EP400: variants seen among roughly 807,000 people sequenced by gnomAD.
The protein encoded by EP400 is E1A-binding protein p400.
In EP400, 105 loss-of-function variants were observed where a neutral mutation model predicts 354.1. The ratio of observed to expected loss-of-function variants is 0.30; its 90% CI spans 0.25 to 0.35. EP400 has a LOEUF of 0.35. Among genes scored for constraint, EP400 ranks in the 10% least tolerant of loss-of-function variants. The pLI, the probability that EP400 is intolerant of heterozygous loss-of-function variation, is 1.00. For missense variants in EP400, 3,280 were observed against 4,121.0 expected (o/e 0.80, Z 5.59); for synonymous variants, 1,646 against 1,716.9 (o/e 0.96, Z 1.02).
At position 132,018,126 on chromosome 12, in the gene EP400, G is replaced by A; in HGVS notation, c.4111-84G>A. Reference sequence around the variant, plus strand: ...GGCGCGTCTGGATGCCCACGTTAGGGCCCTGCCATAGAAATCAGTTTTGAT... The same window carrying A: ...GGCGCGTCTGGATGCCCACGTTAGGACCCTGCCATAGAAATCAGTTTTGAT... On this transcript the variant is annotated intron_variant, in intron 20 of 52. Transcript: ENST00000389561. The surrounding 1 kb of genome is among the most constrained non-coding windows in gnomAD (Gnocchi z 4.0). The A allele has an allele frequency of 6.4e-7, 1 of 1,565,104 alleles. No homozygotes were observed. Among genetic ancestry groups the A allele is most frequent in the East Asian group, 2.2e-5 (1 of 44,586 alleles).
intron 1 of EP400, among the ~76,000 whole-genome samples, chr12:131,959,000 G>C (rs1295438163): frequency 6.6e-6 from 1 of 152,170 alleles, no homozygotes; most frequent in African/African-American, 2.4e-5. Flanking sequence ...GAAGACAGGG[G>C]CACCTGGGTG....
At chr12:132,034,987 G>A (rs1263429725) in intron 30 of EP400, among the ~76,000 whole-genome samples, 2 of 152,194 alleles carry the variant, frequency 1.3e-5, no homozygotes, top group East Asian at 1.9e-4. Context: ...GCGGGTGATA[G>A]AACAGGGAGA....
In EP400 at chr12:132,063,828, A is replaced by G. The variant is rs374962843; in HGVS notation, c.8335-840A>G. Among the ~76,000 whole-genome samples the G allele has an allele frequency of 1.1e-3, 171 of 152,216 alleles. 1 individual carries two copies. Among genetic ancestry groups the G allele is most frequent in the African/African-American group, 3.9e-3 (160 of 41,546 alleles). On this transcript the variant is annotated intron_variant, in intron 47 of 52. Coordinates refer to ENST00000389561, the MANE Select transcript of EP400 (RefSeq NM_015409.5). Reference sequence around the variant, plus strand: ...TGCATGGCCATATGTGGCTGTGGCTACCACCCTGGGCAGCCCCCGCCTAGC... The same window carrying G: ...TGCATGGCCATATGTGGCTGTGGCTGCCACCCTGGGCAGCCCCCGCCTAGC...
intron 2 of EP400, among the ~76,000 whole-genome samples, chr12:131,967,478 A>T (rs190214824): frequency 6.6e-6 from 1 of 152,164 alleles, no homozygotes; most frequent in East Asian, 1.9e-4. Context: ...AGTTGAGGCC[A>T]GGAGTTCGAG....
chr12:132,047,003 T>C (rs1262504504), intron 39 of EP400, among the ~76,000 whole-genome samples: 1 of 152,258 alleles, frequency 6.6e-6, no homozygotes, highest in Non-Finnish European at 1.5e-5. Flanking sequence ...GAGGCAGGCA[T>C]CCAGTACTTT....
chr12:131,985,295 AGAAG>A (rs1393667141), intron 5 of EP400, among the ~76,000 whole-genome samples: 1 of 152,264 alleles, frequency 6.6e-6, no homozygotes, highest in Admixed American at 6.5e-5. Context: ...TTTCTGTGGC[AGAAG>A]TGAAGACACA....
chr12:132,062,359 C>G, intron 46 of EP400, 36 bp downstream of exon 46: 1 of 1,613,176 alleles, frequency 6.2e-7, no homozygotes, highest in Non-Finnish European at 8.5e-7. Context: ...TGCCACACGT[C>G]TGCTCTGGCG....
At chr12:132,046,627 AC>A (rs1895106658) in intron 39 of EP400, among the ~76,000 whole-genome samples, 1 of 151,760 alleles carries the variant, frequency 6.6e-6, no homozygotes. Context: ...TTGTAGCTTG[AC>A]CCCCGAAGAG....
chr12:132,044,378 G>T, intron 35 of EP400, 67 bp downstream of exon 35: 1 of 1,557,022 alleles, frequency 6.4e-7, no homozygotes. Context: ...AGCCATGTTT[G>T]GCTTGTTCAA....
intron 1 of EP400, among the ~76,000 whole-genome samples, chr12:131,958,447 A>C (rs1749535298): frequency 6.6e-6 from 1 of 152,184 alleles, no homozygotes; most frequent in African/African-American, 2.4e-5. Context: ...GCACTTTTTA[A>C]ATGTTTGTTA....
chr12:131,995,027 A>C, intron 12 of EP400, 71 bp downstream of exon 12: 1 of 1,417,466 alleles, frequency 7.1e-7, no homozygotes, highest in Non-Finnish European at 9.9e-7. Context: ...AGATGTGAAT[A>C]ATAATATATT....
chr12:131,967,467 C>A (rs1892140501), intron 2 of EP400, among the ~76,000 whole-genome samples: 1 of 151,808 alleles, frequency 6.6e-6, no homozygotes, highest in Non-Finnish European at 1.5e-5. Context: ...GCTGGCAGAT[C>A]AGTTGAGGCC....
intron 23 of EP400, among the ~76,000 whole-genome samples, chr12:132,022,803 C>T (rs753111575): frequency 2.6e-5 from 4 of 151,870 alleles, no homozygotes; most frequent in East Asian, 3.9e-4. Flanking sequence ...TTGTAGACAC[C>T]GTGGCTCACA....
At chr12:131,992,149 T>A in intron 10 of EP400, 24 bp from the exon 11 acceptor site, 1 of 1,602,356 alleles carries the variant, frequency 6.2e-7, no homozygotes, top group South Asian at 1.1e-5. Context: ...CTCATGCTTG[T>A]GGTTTTTCTT....
chr12:131,982,390 C>G lies in EP400; in HGVS notation c.1841C>G (p.Pro614Arg), dbSNP rs757361289. The G allele has an allele frequency of 1.2e-5, 20 of 1,614,214 alleles. No individual in the cohort carries two copies. Among genetic ancestry groups the G allele is most frequent in the Non-Finnish European group, 1.4e-5 (17 of 1,180,046 alleles). ...CCGCCCAGCAGCCAACTCCCCATCC[C>G]TCCCTCGCAGCCTGCACAGCTGGCC... ...PAPPSSQLPIPPSQPAQLALH... is the reference protein window; with the variant it reads ...PAPPSSQLPIRPSQPAQLALH... Residue 614 changes from proline (P) to arginine (R), a missense_variant, in exon 5 of 53, where the codon CCT (proline) becomes CGT (arginine). By Grantham distance (103) the Pro-to-Arg change is moderately radical. Transcript: ENST00000389561.
chr12:131,989,084 G>C (rs140769008), intron 7 of EP400, among the ~76,000 whole-genome samples: 1 of 152,240 alleles, frequency 6.6e-6, no homozygotes, highest in African/African-American at 2.4e-5. Context: ...GAGGCCAGAC[G>C]TGTAGATGCC....
Position 132,054,962 on chromosome 12 carries a change from T to C in EP400, c.7729-12T>C. On this transcript the variant is annotated splice_polypyrimidine_tract_variant and intron_variant, in intron 43 of 52. Transcript: ENST00000389561. The surrounding 1 kb of genome is among the most constrained non-coding windows in gnomAD (Gnocchi z 4.0). ...GACGTGAAATTCAAATGGATTTTTT[T>C]TTTTTAAATAGGCAGGAACCATTAA... is the stretch of plus-strand genomic sequence containing the variant. The C allele has an allele frequency of 6.2e-7, 1 of 1,613,798 alleles. No individual in the cohort carries two copies. The highest frequency in any genetic ancestry group is 8.5e-7 in the Non-Finnish European group (1 of 1,179,850).
At position 132,069,238 on chromosome 12, in the gene EP400, C is replaced by T. The variant is rs1042224864; in HGVS notation, c.8875-257C>T. On this transcript the variant is annotated intron_variant, in intron 50 of 52. Transcript: ENST00000389561. The stretch of plus-strand genomic sequence containing the variant: ...CCCGACTATTCAGGGAGCAGTGTCC[C>T]GGGTGGGGTGGGCTGCAGGCAACGG... 24 of 465,024 alleles carry T rather than the reference C, an allele frequency of 5.2e-5. 1 individual carries two copies. The South Asian group carries it at 6.0e-4, about 12-fold the overall frequency. The allele number at this position is 465,024 out of a possible 1,614,324, so 28.8% of individuals were successfully genotyped here. A position where few individuals can be genotyped will look rare whatever the true frequency, so the allele number is the denominator to read the frequency against.
chr12:132,076,367 TGCAGGTGG>T, intron 51 of EP400, 141 bp from the exon 52 acceptor site: 1 of 778,146 alleles, frequency 1.3e-6, no homozygotes, highest in Non-Finnish European at 2.2e-6. Context: ...CTCTCACTGC[TGCAGGTGG>T]GCACACTACG....
Sources: allele counts gnomAD v4.1 joint callset (sites outside exome capture counted in the v4.1 genomes callset), GRCh38; gene constraint gnomAD v4.1.1; non-coding constraint Gnocchi (gnomAD v3.1); transcripts MANE v1.5; gene names NCBI Gene and HGNC (gene_info 2026-07-23, HGNC 2026-07-21).